Variants in VILL observed in about 807,000 individuals in gnomAD.
VILL encodes villin-like protein.
In VILL, 102 loss-of-function variants were observed where a neutral mutation model predicts 106.3. That is an observed-to-expected ratio of 0.96 (90% CI 0.82 to 1.13). The LOEUF (loss-of-function observed/expected upper bound fraction) is 1.13, where lower values mean the gene tolerates loss of function less well. VILL is among the 50% of genes most tolerant of loss of function. The pLI, the probability that VILL is intolerant of heterozygous loss-of-function variation, is 0.00. For missense variants in VILL, 1,076 were observed against 1,116.6 expected (o/e 0.96, Z 0.52); for synonymous variants, 431 against 440.3 (o/e 0.98, Z 0.27).
chr3:38,006,069 G>C, intron 17 of VILL, 95 bp downstream of exon 17: 4 of 1,593,898 alleles, frequency 2.5e-6, no homozygotes, highest in Non-Finnish European at 3.4e-6. Flanking sequence ...CCCTGGCTGG[G>C]GATTGCCAGT....
rs912518687 is a variant in VILL, at chr3:37,999,181, C to T, written c.1081+131C>T. 454 of 1,213,938 alleles carry T rather than the reference C, an allele frequency of 3.7e-4. 1 individual carries two copies. The highest frequency in any genetic ancestry group is 4.6e-4 in the Non-Finnish European group (418 of 918,376). 75.2% of individuals were successfully genotyped at this position (1,213,938 alleles called of 1,614,324 possible). ...CGGAGGGGGCGGGGCCTGGTCTGCACGGGGCGGAACAGAGCCTCAGGATGA... is the reference window on the plus strand; with the variant it reads ...CGGAGGGGGCGGGGCCTGGTCTGCATGGGGCGGAACAGAGCCTCAGGATGA... On this transcript the variant is annotated intron_variant, in intron 10 of 19. Coordinates refer to ENST00000383759, the MANE Select transcript of VILL (RefSeq NM_015873.4).
At chr3:38,004,103 G>A (rs978845208) in intron 15 of VILL, 152 bp from the exon 16 acceptor site, 172 of 976,944 alleles carry the variant, frequency 1.8e-4, no homozygotes, top group Admixed American at 9.5e-4. Context: ...AGAGCAGAGC[G>A]GAGTGCTCGG....
Position 37,993,820 on chromosome 3 carries a change from C to T in VILL, c.61-78C>T. 2.5e-6 allele frequency: 4 copies of T among 1,604,464 alleles called. No homozygotes were observed. In the South Asian group the frequency reaches 3.3e-5, roughly 13 times the overall value. On this transcript the variant is annotated intron_variant, in intron 2 of 19. Transcript: ENST00000383759. ...GGCTTCTCCCGCCCCCAACTCAGAG[C>T]GTCCTCTTCCACCCCACCCCAGCGG...
Position 37,994,569 on chromosome 3 carries a change from C to T in VILL, c.341+103C>T, listed in dbSNP as rs1699669284. On this transcript the variant is annotated intron_variant, in intron 4 of 19. Transcript: ENST00000383759. The stretch of plus-strand genomic sequence containing the variant: ...GTCCACATCCCTGAATGGGGCAAGC[C>T]GGGAGGGGTTGGGTAACACCTTTAT... The T allele has an allele frequency of 3.6e-6, 5 of 1,372,470 alleles. No homozygotes were observed. In the South Asian group the frequency reaches 5.2e-5, roughly 14 times the overall value. 85.0% of individuals were successfully genotyped at this position (1,372,470 alleles called of 1,614,324 possible). A position where few individuals can be genotyped will look rare whatever the true frequency, so the allele number is the denominator to read the frequency against.
chr3:37,998,313 G>C lies in VILL; in HGVS notation c.891G>C (p.Gln297His). Residue 297 changes from glutamine to histidine, a missense_variant, in exon 9 of 20, where the codon CAG (glutamine) becomes CAC (histidine). By Grantham distance (24) the Gln-to-His change is conservative (BLOSUM62 0). Coordinates refer to ENST00000383759, the MANE Select transcript of VILL (RefSeq NM_015873.4). The surrounding 1 kb of genome is among the most constrained non-coding windows in gnomAD (Gnocchi z 4.1). ...GTGGCTTCAAGATCTATGTGTGGCAGGGACGCATGTCTAGCCTCCAGGAGA... is the reference window on the plus strand; with the variant it reads ...GTGGCTTCAAGATCTATGTGTGGCACGGACGCATGTCTAGCCTCCAGGAGA... ...DQGGFKIYVW[Q>H]GRMSSLQERK... The C allele has an allele frequency of 6.2e-7, 1 of 1,614,170 alleles. No homozygotes were observed. The highest frequency in any genetic ancestry group is 8.5e-7 in the Non-Finnish European group (1 of 1,180,010).
intron 14 of VILL, chr3:38,002,791 C>T: frequency 1.7e-6 from 1 of 601,814 alleles, no homozygotes; most frequent in South Asian, 2.3e-5. Flanking sequence ...GAGCCAGGCC[C>T]AGGCCGCCTC....
chr3:37,992,719 T>C (rs964446754), intron 1 of VILL, among the ~76,000 whole-genome samples: 8 of 152,142 alleles, frequency 5.3e-5, no homozygotes, highest in African/African-American at 1.9e-4. Context: ...ACTCTGCCCC[T>C]GCTCCCCTGC....
chr3:37,998,057 G>A lies in VILL; in HGVS notation c.765-33G>A. The stretch of plus-strand genomic sequence containing the variant: ...AGTGGAGACAGATCAGGGAGGGGCT[G>A]GGCTGGCCACTCCTGGGTTCCTGTC... On this transcript the variant is annotated intron_variant, in intron 7 of 19. Transcript: ENST00000383759. This position sits in a 1 kb window ranked among gnomAD's most constrained non-coding sequence, Gnocchi z 4.1. The A allele has an allele frequency of 1.9e-6, 3 of 1,567,506 alleles. No individual in the cohort carries two copies. The highest frequency in any genetic ancestry group is 2.6e-6 in the Non-Finnish European group (3 of 1,153,160).
intron 19 of VILL, 24 bp from the exon 20 acceptor site, chr3:38,006,918 C>T (rs1261960901): frequency 1.3e-6 from 2 of 1,599,034 alleles, no homozygotes; most frequent in South Asian, 1.1e-5. Flanking sequence ...CTACCCTGTA[C>T]CTCCCCCTCT....
upstream of VILL, among the ~76,000 whole-genome samples, chr3:37,988,979 C>T (rs1699579400): frequency 6.6e-6 from 1 of 152,008 alleles, no homozygotes; most frequent in African/African-American, 2.4e-5. Context: ...TTTTTTAAAT[C>T]TTAGGAAAAA....
rs1306742636 is a variant in VILL at position 38,003,294 on chromosome 3, C to G, written c.1786C>G (p.Pro596Ala). 6.2e-7 allele frequency: 1 copy of G among 1,611,344 alleles called. No homozygotes were observed. Among genetic ancestry groups the G allele is most frequent in the Non-Finnish European group, 8.5e-7 (1 of 1,179,110 alleles). The change falls in exon 15 of 20, where the codon CCC becomes GCC. Residue 596 changes from proline to alanine, a missense_variant. Physicochemically the swap from Pro to Ala is conservative, Grantham distance 27. Coordinates refer to ENST00000383759, the MANE Select transcript of VILL (RefSeq NM_015873.4). ...CTGGGAGGCCCTGGGAGGCCGGGCC[C>G]CCTACCCCAGCAACAAGAGGTAACA... ...HFWEALGGRA[P>A]YPSNKRLPEE...
upstream of VILL, among the ~76,000 whole-genome samples, chr3:37,989,699 G>A (rs1212369997): frequency 3.3e-5 from 5 of 152,178 alleles, no homozygotes; most frequent in African/African-American, 1.2e-4. Context: ...CACAGGTACA[G>A]TGGACACACT....
At chr3:37,988,356 T>A (rs1460485438), upstream of VILL, 1 of 152,214 alleles carries the variant, frequency 6.6e-6, no homozygotes, top group African/African-American at 2.4e-5. Context: ...AGCGGGTTTA[T>A]GGTTAAATTC....
upstream of VILL, chr3:37,988,354 T>C (rs1374892283): frequency 6.6e-6 from 1 of 152,128 alleles, no homozygotes; most frequent in African/African-American, 2.4e-5. Context: ...TGAGCGGGTT[T>C]ATGGTTAAAT....
intron 1 of VILL, among the ~76,000 whole-genome samples, chr3:37,991,966 G>A (rs1699617127): frequency 1.3e-5 from 2 of 152,272 alleles, no homozygotes; most frequent in South Asian, 4.1e-4. Flanking sequence ...CCTGGCAGCT[G>A]AGGGCTTGGC....
At chr3:38,005,035 G>C (rs1699889472) in intron 16 of VILL, among the ~76,000 whole-genome samples, 1 of 152,210 alleles carries the variant, frequency 6.6e-6, no homozygotes, top group South Asian at 2.1e-4. Flanking sequence ...CTCTGTGTCT[G>C]ACAACAGTGG....
Position 37,997,490 on chromosome 3 carries a change from C to T in VILL, c.569C>T (p.Ala190Val), listed in dbSNP as rs770194562. The change falls in exon 7 of 20, where the codon GCT (alanine) becomes GTT (valine). Residue 190 changes from alanine to valine, a missense_variant. Ala to Val is a moderately conservative substitution (Grantham distance 64). Transcript: ENST00000383759. The surrounding 1 kb of genome is among the most constrained non-coding windows in gnomAD (Gnocchi z 4.7). The part of the protein sequence containing the change: ...TSISEKARGL[A>V]LTYSLRDRER... Reference sequence around the variant, plus strand: ...CCAGGTCCTCTCCCGCAGGGGCTGGCTTTGACCTACAGCCTCCGGGACAGG... The same window carrying T: ...CCAGGTCCTCTCCCGCAGGGGCTGGTTTTGACCTACAGCCTCCGGGACAGG... 1 of 1,613,752 alleles carries T rather than the reference C, an allele frequency of 6.2e-7. No homozygotes were observed. The highest frequency in any genetic ancestry group is 1.7e-5 in the Admixed American group (1 of 60,016).
At position 37,997,937 on chromosome 3, in the gene VILL, C is replaced by T. The variant is rs1699735461; in HGVS notation, c.765-153C>T. 6.6e-6 allele frequency among the ~76,000 whole-genome samples: 1 copy of T among 152,206 alleles called. No individual in the cohort carries two copies. Among genetic ancestry groups the T allele is most frequent in the Non-Finnish European group, 1.5e-5 (1 of 68,026 alleles). On this transcript the variant is annotated intron_variant, in intron 7 of 19. Transcript: ENST00000383759. This position sits in a 1 kb window ranked among gnomAD's most constrained non-coding sequence, Gnocchi z 4.7. ...CAGGGAGCTGCCTAAAGCTCCACAG[C>T]AAGGCTGCAGTAAAAGTGAAGACTA...
At position 38,003,051 on chromosome 3, in the gene VILL, C is replaced by T. The variant is rs1030647522; in HGVS notation, c.1660-117C>T. The stretch of plus-strand genomic sequence containing the variant: ...TTGTTCACTGGTGTCCTGCTGTCAG[C>T]TTAGGCCTCCTGTGACTTGGGCCCA... On this transcript the variant is annotated intron_variant, in intron 14 of 19. Transcript: ENST00000383759. The T allele has an allele frequency of 9.1e-6, 12 of 1,321,232 alleles. No individual in the cohort carries two copies. In the African/African-American group the frequency reaches 1.5e-4, roughly 16 times the overall value. 81.8% of individuals were successfully genotyped at this position (1,321,232 alleles called of 1,614,324 possible).
Sources: gnomAD v4.1 joint callset for allele counts (sites outside exome capture counted in the v4.1 genomes callset) on GRCh38, gnomAD v4.1.1 for gene constraint, Gnocchi (gnomAD v3.1) non-coding constraint, MANE v1.5 for transcripts, NCBI Gene and HGNC (gene_info 2026-07-23, HGNC 2026-07-21) for gene names.